The following SPG11 variants were observed in gnomAD, a reference collection of about 807,000 sequenced individuals.
The protein encoded by SPG11 is spatacsin.
A neutral mutation model predicts 274.0 loss-of-function variants in SPG11; 222 were observed. The ratio of observed to expected loss-of-function variants is 0.81; its 90% CI spans 0.73 to 0.91. The LOEUF (loss-of-function observed/expected upper bound fraction) is 0.91, where lower values mean the gene tolerates loss of function less well. Ranked by LOEUF, SPG11 falls within the 40% of genes least tolerant of loss-of-function variation. SPG11 has a pLI of 0.00. For synonymous variants in SPG11, 1,144 were observed against 1,039.7 expected (o/e 1.10, Z -1.93); for missense variants, 3,114 against 2,872.7 (o/e 1.08, Z -1.92).
At chr15:44,646,740 A>C (rs1219891624) in intron 7 of SPG11, among the ~76,000 whole-genome samples, 1 of 152,186 alleles carries the variant, frequency 6.6e-6, no homozygotes, top group Non-Finnish European at 1.5e-5. Flanking sequence ...AAAATCAGAT[A>C]CTGGGTGTTC....
In SPG11 at chr15:44,573,722, A is replaced by T; in HGVS notation, c.6030T>A (p.Asp2010Glu). 3.1e-6 allele frequency: 5 copies of T among 1,614,224 alleles called. No homozygotes were observed. The highest frequency in any genetic ancestry group is 4.2e-6 in the Non-Finnish European group (5 of 1,180,034). Reference sequence around the variant, plus strand: ...TGGCTTCACCATCCTGAGCAGCAACATCTGTGTAGGAACAGCCCAACTCCT... The same window carrying T: ...TGGCTTCACCATCCTGAGCAGCAACTTCTGTGTAGGAACAGCCCAACTCCT... Reference protein sequence around the residue: ...LAKELGCSYTDVAAQDGEAML... With the variant: ...LAKELGCSYTEVAAQDGEAML... Residue 2010 changes from aspartate to glutamate, a missense_variant, in exon 32 of 40, where the codon GAT (aspartate) becomes GAA (glutamate). By Grantham distance (45) the Asp-to-Glu change is conservative. Coordinates refer to ENST00000261866, the MANE Select transcript of SPG11 (RefSeq NM_025137.4).
chr15:44,595,553 C>A, intron 25 of SPG11, 94 bp from the exon 26 acceptor site: 2 of 1,343,984 alleles, frequency 1.5e-6, no homozygotes, highest in South Asian at 1.2e-5. Context: ...GAATAAGTCA[C>A]CCAACTTAAT....
At chr15:44,624,844 A>C (rs2083853162) in intron 11 of SPG11, among the ~76,000 whole-genome samples, 1 of 152,140 alleles carries the variant, frequency 6.6e-6, no homozygotes, top group Non-Finnish European at 1.5e-5. Flanking sequence ...ATCTTCAAGA[A>C]AGTTCTCAGG....
chr15:44,595,532 T>C, intron 25 of SPG11, 73 bp from the exon 26 acceptor site: 1 of 1,479,528 alleles, frequency 6.8e-7, no homozygotes, highest in Non-Finnish European at 9.3e-7. Context: ...CAGATGGATA[T>C]TTCCTGTTTA....
intron 7 of SPG11, among the ~76,000 whole-genome samples, chr15:44,642,771 G>A (rs1218374588): frequency 1.3e-5 from 2 of 151,978 alleles, no homozygotes; most frequent in Non-Finnish European, 2.9e-5. Context: ...TTGGGAGGCT[G>A]AGGCAGGAGG....
chr15:44,636,342 A>T (rs2084250422), intron 7 of SPG11, among the ~76,000 whole-genome samples: 1 of 152,134 alleles, frequency 6.6e-6, no homozygotes. Flanking sequence ...ATTATCAATG[A>T]ATAGAATATT....
intron 30 of SPG11, 41 bp downstream of exon 30, chr15:44,583,773 T>C (rs1381340710): frequency 1.2e-6 from 2 of 1,613,688 alleles, no homozygotes; most frequent in Non-Finnish European, 1.7e-6. Context: ...GTGCTAACAG[T>C]GCCATTTAAG....
At chr15:44,585,527 G>T in intron 29 of SPG11, 109 bp downstream of exon 29, 2 of 843,140 alleles carry the variant, frequency 2.4e-6, no homozygotes, top group Non-Finnish European at 3.7e-6. Context: ...GCATGAACCC[G>T]AGAGGCGGAG....
intron 1 of SPG11, among the ~76,000 whole-genome samples, chr15:44,663,156 G>C (rs919961517): frequency 2.0e-5 from 3 of 152,200 alleles, no homozygotes; most frequent in African/African-American, 7.2e-5. Flanking sequence ...TGCCGTCTCC[G>C]CCCACCCGGA....
intron 30 of SPG11, among the ~76,000 whole-genome samples, chr15:44,577,618 T>A (rs1397630837): frequency 6.6e-6 from 1 of 152,052 alleles, no homozygotes; most frequent in Admixed American, 6.6e-5. Context: ...GAGTTCCAAT[T>A]CTAGGTAAGT....
intron 7 of SPG11, among the ~76,000 whole-genome samples, chr15:44,639,509 TC>T (rs2141073987): frequency 6.6e-6 from 1 of 151,956 alleles, no homozygotes; most frequent in East Asian, 1.9e-4. Context: ...TGAAGACCAG[TC>T]TGGGGCACAT....
rs1249335794 is a variant in SPG11, at chr15:44,562,983, C to T, written c.*138G>A. On this transcript the variant is annotated 3_prime_UTR_variant, in exon 40 of 40. Coordinates refer to ENST00000261866, the MANE Select transcript of SPG11 (RefSeq NM_025137.4). The stretch of plus-strand genomic sequence containing the variant: ...CTCCTGAAAAGTTTCTTACTTGCTA[C>T]CTACTACCCACAAAGGACTGATATG... 2.6e-6 allele frequency: 2 copies of T among 782,076 alleles called. No individual in the cohort carries two copies. Among genetic ancestry groups the T allele is most frequent in the African/African-American group, 1.8e-5 (1 of 57,134 alleles). The allele number at this position is 782,076 out of a possible 1,614,324, so 48.4% of individuals were successfully genotyped here.
intron 8 of SPG11, among the ~76,000 whole-genome samples, chr15:44,632,791 G>C (rs1251106814): frequency 1.3e-5 from 2 of 152,092 alleles, no homozygotes; most frequent in African/African-American, 4.8e-5. Flanking sequence ...TACAGGGCGA[G>C]CCACTGCATC....
Position 44,622,773 on chromosome 15 carries a change from G to A in SPG11, c.2271C>T (p.Leu757=). The A allele has an allele frequency of 6.2e-7, 1 of 1,613,710 alleles. No individual in the cohort carries two copies. The highest frequency in any genetic ancestry group is 8.5e-7 in the Non-Finnish European group (1 of 1,179,804). The stretch of plus-strand genomic sequence containing the variant: ...TATTAGTTGTATAGAAGCAGATCTT[G>A]AGCAATTGGCCTTTTACATCAAACC... ...NMGFDVKGQL[L]KICFYTTNKN... Residue 757 remains leucine (L), a synonymous_variant, in exon 12 of 40, where the codon CTC becomes CTT. Transcript: ENST00000261866.
At position 44,627,178 on chromosome 15, in the gene SPG11, A is replaced by G. The variant is rs1378217036; in HGVS notation, c.2068-671T>C. ...ATTTACAGAAAAATATCCAGGCAGC[A>G]ATATAGAGAGTGGACTAAAAGTGAT... On this transcript the variant is annotated intron_variant, in intron 10 of 39. Transcript: ENST00000261866. Among the ~76,000 whole-genome samples, 3 of 152,208 alleles carry G rather than the reference A, an allele frequency of 2.0e-5. No individual in the cohort carries two copies. The East Asian group carries it at 5.8e-4, about 29-fold the overall frequency.
In SPG11 at chr15:44,660,573, T is replaced by G; in HGVS notation, c.301A>C (p.Lys101Gln). 6.2e-7 allele frequency: 1 copy of G among 1,614,186 alleles called. No homozygotes were observed. Among genetic ancestry groups the G allele is most frequent in the Non-Finnish European group, 8.5e-7 (1 of 1,180,032 alleles). The change falls in exon 2 of 40, where the codon AAG (lysine) becomes CAG (glutamine). Residue 101 changes from lysine (K) to glutamine (Q), a missense_variant. Lys to Gln is a moderately conservative substitution (Grantham distance 53, BLOSUM62 1). Coordinates refer to ENST00000261866, the MANE Select transcript of SPG11 (RefSeq NM_025137.4). ...DSRNSSTPTEKPKLLALGENY... is the reference protein window; with the variant it reads ...DSRNSSTPTEQPKLLALGENY... ...TCACCAAGAGCGAGCAGTTTGGGCT[T>G]TTCAGTTGGTGTGCTGCTGTTACGA...
intron 10 of SPG11, 85 bp downstream of exon 10, chr15:44,628,584 A>G (rs1402378990): frequency 3.2e-6 from 4 of 1,241,934 alleles, no homozygotes; most frequent in South Asian, 1.2e-5. Context: ...ACAAGTATAT[A>G]GAGTCTGAAT....
chr15:44,598,763 A>G lies in SPG11; in HGVS notation c.3760T>C (p.Cys1254Arg). The part of the protein sequence containing the change: ...SFHIPSIGAA[C>R]VCFLELLGLD... ...CCAAGCAATTCTAAGAAACAAACACATGCAGCTCCTATTGAAGGTATGTGG... is the reference window on the plus strand; with the variant it reads ...CCAAGCAATTCTAAGAAACAAACACGTGCAGCTCCTATTGAAGGTATGTGG... The change falls in exon 22 of 40, where the codon TGT (cysteine) becomes CGT (arginine). Residue 1254 changes from cysteine (C) to arginine (R), a missense_variant. Physicochemically the swap from Cys to Arg is radical, Grantham distance 180 (BLOSUM62 -3). Transcript: ENST00000261866. The G allele has an allele frequency of 6.2e-7, 1 of 1,614,174 alleles. No individual in the cohort carries two copies. Among genetic ancestry groups the G allele is most frequent in the Non-Finnish European group, 8.5e-7 (1 of 1,180,008 alleles).
chr15:44,622,155 C>G lies in SPG11; in HGVS notation c.2444+65G>C, dbSNP rs879036329. 61 of 1,547,894 alleles carry G rather than the reference C, an allele frequency of 3.9e-5. No homozygotes were observed. In the South Asian group the frequency reaches 6.6e-4, roughly 17 times the overall value. On this transcript the variant is annotated intron_variant, in intron 13 of 39. Coordinates refer to ENST00000261866, the MANE Select transcript of SPG11 (RefSeq NM_025137.4). Reference sequence around the variant, plus strand: ...CACATAAGAAACTTGTGTTCACTAACAACTATAAATGAAATACTATCTAAC... The same window carrying G: ...CACATAAGAAACTTGTGTTCACTAAGAACTATAAATGAAATACTATCTAAC...
Sources: gnomAD v4.1 joint callset for allele counts (sites outside exome capture counted in the v4.1 genomes callset) on GRCh38, gnomAD v4.1.1 for gene constraint, MANE v1.5 for transcripts, NCBI Gene and HGNC (gene_info 2026-07-23, HGNC 2026-07-21) for gene names.